Variants in RIN2 observed in about 807,000 individuals in gnomAD.
RIN2 encodes Ras and Rab interactor 2.
RIN2 carries 36 observed loss-of-function variants against 78.0 expected under a neutral mutation model. That is an observed-to-expected ratio of 0.46 (90% confidence interval 0.35 to 0.61). The LOEUF (loss-of-function observed/expected upper bound fraction) is 0.61, where lower values mean the gene tolerates loss of function less well. RIN2 is among the 20% of genes least tolerant of loss of function. The pLI is 0.00. For synonymous variants in RIN2, 466 were observed against 466.8 expected (o/e 1.00, Z 0.02); for missense variants, 1,087 against 1,159.7 (o/e 0.94, Z 0.91).
chr20:19,850,929 G>A (rs1036201684), intron 2 of RIN2, among the ~76,000 whole-genome samples: 1 of 151,622 alleles, frequency 6.6e-6, no homozygotes, highest in Non-Finnish European at 1.5e-5. Context: ...AGCCAAGATC[G>A]TGCCACTGCA....
chr20:19,830,952 C>G (rs555415441), intron 2 of RIN2, among the ~76,000 whole-genome samples: 4 of 152,368 alleles, frequency 2.6e-5, no homozygotes, highest in Non-Finnish European at 5.9e-5. Context: ...AACCTCATCT[C>G]CATGTCCCCG....
At chr20:19,952,995 C>T (rs922429825) in intron 4 of RIN2, among the ~76,000 whole-genome samples, 7 of 152,206 alleles carry the variant, frequency 4.6e-5, no homozygotes, top group East Asian at 3.8e-4. Context: ...GCTCACCCCA[C>T]ACCTGCAGAA....
At chr20:19,804,876 T>G (rs982388813) in intron 2 of RIN2, among the ~76,000 whole-genome samples, 25 of 152,292 alleles carry the variant, frequency 1.6e-4, no homozygotes, top group Middle Eastern at 6.8e-3. Context: ...TTGTTTTGTT[T>G]TTGGTTGGTA....
In RIN2 at chr20:19,926,572, A is replaced by G. The variant is rs1468841355; in HGVS notation, c.58-8527A>G. Among the ~76,000 whole-genome samples, 3 of 152,190 alleles carry G rather than the reference A, an allele frequency of 2.0e-5. No individual in the cohort carries two copies. In the East Asian group the frequency reaches 5.8e-4, roughly 30 times the overall value. On this transcript the variant is annotated intron_variant, in intron 3 of 12. Transcript: ENST00000255006. ...GGAGGCTCCTCAGCCAAGCAGAAGC[A>G]CATGGTCGAGGGAACTGTTTGGGTA...
At chr20:19,946,911 G>A (rs1195701539) in intron 4 of RIN2, among the ~76,000 whole-genome samples, 2 of 150,812 alleles carry the variant, frequency 1.3e-5, no homozygotes, top group African/African-American at 4.9e-5. Flanking sequence ...CACGCCTAAA[G>A]TCCCAGCTAC....
chr20:19,799,835 T>G (rs999429921), intron 2 of RIN2, 88 bp downstream of exon 2: 1 of 152,192 alleles, frequency 6.6e-6, no homozygotes, highest in African/African-American at 2.4e-5. Context: ...GGGAATATCA[T>G]GTGCTATAGT....
At chr20:19,766,086 C>A (rs746626692) in intron 1 of RIN2, among the ~76,000 whole-genome samples, 1 of 152,102 alleles carries the variant, frequency 6.6e-6, no homozygotes, top group Non-Finnish European at 1.5e-5. Context: ...CAGACAGCTC[C>A]CTGTCCTTCC....
At chr20:19,876,500 A>T (rs1309503745) in intron 2 of RIN2, among the ~76,000 whole-genome samples, 1 of 152,230 alleles carries the variant, frequency 6.6e-6, no homozygotes, top group East Asian at 1.9e-4. Context: ...TTAAAATGGA[A>T]GCTTCCAGAT....
At chr20:19,968,796 T>C (rs1195539863) in intron 7 of RIN2, among the ~76,000 whole-genome samples, 1 of 152,178 alleles carries the variant, frequency 6.6e-6, no homozygotes, top group Non-Finnish European at 1.5e-5. Context: ...CAAACATATA[T>C]TTACAGTCTA....
At chr20:19,966,613 A>C (rs1168457119) in intron 7 of RIN2, among the ~76,000 whole-genome samples, 1 of 152,074 alleles carries the variant, frequency 6.6e-6, no homozygotes, top group Non-Finnish European at 1.5e-5. Flanking sequence ...TGTGAGCACC[A>C]TGCCCGGCCA....
rs2037426164 is a variant in RIN2 at position 19,864,086 on chromosome 20, TG to T, written c.-36-25478del. Among the ~76,000 whole-genome samples the T allele has an allele frequency of 1.3e-5, 2 of 151,894 alleles. 1 individual carries two copies. Among genetic ancestry groups the T allele is most frequent in the Admixed American group, 1.3e-4 (2 of 15,254 alleles). The stretch of plus-strand genomic sequence containing the variant: ...ATATGATACATAAACAGTTATACGA[TG>T]GATATCCATGGTATTAAGATTTAAT... On this transcript the variant is annotated intron_variant, in intron 2 of 12. Coordinates refer to ENST00000255006, the MANE Select transcript of RIN2 (RefSeq NM_018993.4).
chr20:19,960,737 A>AG lies in RIN2; in HGVS notation c.389_390insG (p.Val131SerfsTer9). On this transcript the variant is annotated frameshift_variant, in exon 6 of 13. Transcript: ENST00000255006. LOFTEE classifies it high-confidence loss of function. Reference sequence around the variant, plus strand: ...CATAAATCTACCAAGATGCAGAAGAAAGTCCTCTCCCTCCGCCTGCCCTGT... The same window carrying AG: ...CATAAATCTACCAAGATGCAGAAGAAGAGTCCTCTCCCTCCGCCTGCCCTGT... 6.2e-7 allele frequency: 1 copy of AG among 1,604,896 alleles called. No homozygotes were observed. The highest frequency in any genetic ancestry group is 1.1e-5 in the South Asian group (1 of 88,576).
intron 4 of RIN2, among the ~76,000 whole-genome samples, chr20:19,936,646 A>G (rs562407274): frequency 1.4e-4 from 21 of 152,286 alleles, no homozygotes; most frequent in African/African-American, 5.1e-4. Context: ...CGTTCTGAAC[A>G]TGTGAGGGGC....
intron 1 of RIN2, among the ~76,000 whole-genome samples, chr20:19,769,381 C>T (rs2034026378): frequency 6.6e-6 from 1 of 152,162 alleles, no homozygotes; most frequent in African/African-American, 2.4e-5. Context: ...GGTCAGGGCA[C>T]AGCACACACC....
At chr20:19,856,724 C>A (rs1250036743) in intron 2 of RIN2, among the ~76,000 whole-genome samples, 2 of 152,096 alleles carry the variant, frequency 1.3e-5, no homozygotes, top group Non-Finnish European at 2.9e-5. Context: ...ATGTCCTTTA[C>A]TATTGATGGA....
intron 1 of RIN2, among the ~76,000 whole-genome samples, chr20:19,790,375 T>C (rs896604912): frequency 1.3e-5 from 2 of 152,232 alleles, no homozygotes; most frequent in Admixed American, 1.3e-4. Flanking sequence ...CACTTGGCTT[T>C]CATTCTCTAT....
chr20:19,992,413 T>C, intron 11 of RIN2, 114 bp downstream of exon 11: 1 of 1,017,416 alleles, frequency 9.8e-7, no homozygotes, highest in South Asian at 2.0e-5. Flanking sequence ...AATAATTCAG[T>C]GGCATTTAGT....
intron 2 of RIN2, among the ~76,000 whole-genome samples, chr20:19,826,527 AAG>A (rs911417917): frequency 9.2e-5 from 14 of 152,208 alleles, no homozygotes; most frequent in Non-Finnish European, 1.5e-5. Context: ...TCAAGTTGAA[AAG>A]AGAGTAAATT....
chr20:19,812,622 T>C lies in RIN2; in HGVS notation c.-37+12875T>C, dbSNP rs568828855. On this transcript the variant is annotated intron_variant, in intron 2 of 12. Coordinates refer to ENST00000255006, the MANE Select transcript of RIN2 (RefSeq NM_018993.4). ...CAATTATTTTCTGTAAGTTCAAAAT[T>C]ATTTCCAAATAAAAAGTTAAAAAAG... Among the ~76,000 whole-genome samples the C allele has an allele frequency of 5.8e-4, 89 of 152,294 alleles. 2 individuals carry two copies. Among genetic ancestry groups the C allele is most frequent in the Non-Finnish European group, 1.8e-4 (12 of 68,012 alleles).
Sources: allele counts gnomAD v4.1 joint callset (sites outside exome capture counted in the v4.1 genomes callset), GRCh38; gene constraint gnomAD v4.1.1; transcripts MANE v1.5; gene names NCBI Gene and HGNC (gene_info 2026-07-23, HGNC 2026-07-21).